Variants in SH2D6 observed in about 807,000 individuals in gnomAD.
SH2D6 encodes the protein SH2 domain-containing protein 6.
Under a neutral mutation model 30.2 loss-of-function variants are expected in SH2D6, and 31 were observed. The observed-to-expected ratio is 1.03, with a 90% confidence interval of 0.77 to 1.38. The LOEUF is 1.38. Ranked by LOEUF, SH2D6 falls within the 40% of genes most tolerant of loss-of-function variation. The pLI, the probability that SH2D6 is intolerant of heterozygous loss-of-function variation, is 0.00. For synonymous variants in SH2D6, 93 were observed against 104.6 expected (o/e 0.89, Z 0.68); for missense variants, 240 against 266.8 (o/e 0.90, Z 0.70).
rs1301341424 is a variant in SH2D6 at position 85,436,819 on chromosome 2, C to T, written c.*13-18C>T. ...TCTGTTGCCTCTCCAAGGCTGACAC[C>T]CTCTTCCTGGCCTCCAGGAATGCAG... On this transcript the variant is annotated intron_variant, in intron 23 of 23. Transcript: ENST00000469800. 4.0e-6 allele frequency: 2 copies of T among 494,512 alleles called. No individual in the cohort carries two copies. Among genetic ancestry groups the T allele is most frequent in the Non-Finnish European group, 7.4e-6 (2 of 270,474 alleles). 30.6% of individuals were successfully genotyped at this position (494,512 alleles called of 1,614,324 possible). A position where few individuals can be genotyped will look rare whatever the true frequency, so the allele number is the denominator to read the frequency against.
intron 5 of SH2D6, among the ~76,000 whole-genome samples, chr2:85,424,680 C>T (rs918506648): frequency 1.3e-5 from 2 of 152,112 alleles, no homozygotes; most frequent in Non-Finnish European, 2.9e-5. Flanking sequence ...TGAGTCCTAA[C>T]CTAAACTTGA....
In SH2D6 at chr2:85,434,811, T is replaced by C. The variant is rs548469675; in HGVS notation, c.590-254T>C. 13 of 1,456,356 alleles carry C rather than the reference T, an allele frequency of 8.9e-6. No homozygotes were observed. The South Asian group carries it at 1.8e-4, about 20-fold the overall frequency. The allele number at this position is 1,456,356 out of a possible 1,614,324, so 90.2% of individuals were successfully genotyped here. On this transcript the variant is annotated intron_variant, in intron 19 of 23. Coordinates refer to ENST00000469800, the MANE Select transcript of SH2D6 (RefSeq NM_001394463.1). Reference sequence around the variant, plus strand: ...ACCCTCTTGGGCATTTTCCGGTGCCTGCACCAAATCAGGAAGCTCCTAGTC... The same window carrying C: ...ACCCTCTTGGGCATTTTCCGGTGCCCGCACCAAATCAGGAAGCTCCTAGTC...
At chr2:85,427,118 T>C (rs1245094253) in intron 6 of SH2D6, among the ~76,000 whole-genome samples, 1 of 152,232 alleles carries the variant, frequency 6.6e-6, no homozygotes, top group Non-Finnish European at 1.5e-5. Context: ...GTGTGTTTTC[T>C]GAGGGTGGAT....
At chr2:85,433,142 C>T (rs1009669261) in intron 15 of SH2D6, 21 bp downstream of exon 15, 5 of 985,746 alleles carry the variant, frequency 5.1e-6, no homozygotes, top group Admixed American at 6.1e-5. Context: ...CCTCCATTTC[C>T]ACCTCAGTTT....
chr2:85,423,190 T>TA (rs1687808099), intron 5 of SH2D6, among the ~76,000 whole-genome samples: 1 of 113,866 alleles, frequency 8.8e-6, no homozygotes, highest in Non-Finnish European at 2.0e-5. Context: ...ACCCGGCCTG[T>TA]TTTTTTTTTT....
In SH2D6 at chr2:85,436,462, C is replaced by T. The variant is rs1197181774; in HGVS notation, c.892-4C>T. On this transcript the variant is annotated splice_polypyrimidine_tract_variant and splice_region_variant and intron_variant, in intron 22 of 23. Transcript: ENST00000469800. ...ACTCACGGATGCCCTGCCTCCCTGG[C>T]CAGCTCTTCTCCTCCGTGGCGGCCA... The T allele has an allele frequency of 2.5e-6, 4 of 1,612,754 alleles. No individual in the cohort carries two copies. The African/African-American group carries it at 4.0e-5, about 16-fold the overall frequency.
chr2:85,421,321 C>T (rs1448695996), intron 2 of SH2D6: 1 of 152,196 alleles, frequency 6.6e-6, no homozygotes, highest in Non-Finnish European at 1.5e-5. Flanking sequence ...GATCCATCTG[C>T]GCTGGGGAAA....
intron 13 of SH2D6, among the ~76,000 whole-genome samples, chr2:85,431,691 A>G (rs1017218896): frequency 2.0e-5 from 3 of 152,240 alleles, no homozygotes; most frequent in African/African-American, 4.8e-5. Context: ...TACTACCTTT[A>G]TCATACATTT....
intron 6 of SH2D6, among the ~76,000 whole-genome samples, chr2:85,426,645 C>T (rs1688074516): frequency 6.6e-6 from 1 of 152,226 alleles, no homozygotes; most frequent in African/African-American, 2.4e-5. Flanking sequence ...GCCTCCACAC[C>T]CTTTCCCACT....
chr2:85,428,978 G>A (rs1192562483), intron 7 of SH2D6, among the ~76,000 whole-genome samples: 4 of 152,210 alleles, frequency 2.6e-5, no homozygotes, highest in Admixed American at 1.3e-4. Context: ...AAAAAATGAA[G>A]CTGCCACACT....
Sources: gnomAD v4.1 joint callset for allele counts (sites outside exome capture counted in the v4.1 genomes callset) on GRCh38, gnomAD v4.1.1 for gene constraint, MANE v1.5 for transcripts, NCBI Gene and HGNC (gene_info 2026-07-23, HGNC 2026-07-21) for gene names.